FAM20A: variants seen among roughly 807,000 people sequenced by gnomAD.
FAM20A encodes pseudokinase FAM20A.
Under a neutral mutation model 52.0 loss-of-function variants are expected in FAM20A, and 42 were observed. The ratio of observed to expected loss-of-function variants is 0.81; its 90% CI spans 0.63 to 1.04. The LOEUF (loss-of-function observed/expected upper bound fraction) is 1.04, where lower values mean the gene tolerates loss of function less well. FAM20A is among the 50% of genes least tolerant of loss of function. FAM20A has a pLI of 0.00. For missense variants in FAM20A, 742 were observed against 712.7 expected (o/e 1.04, Z -0.47); for synonymous variants, 304 against 298.9 (o/e 1.02, Z -0.18).
At chr17:68,564,345 G>A (rs1173192036) in intron 1 of FAM20A, among the ~76,000 whole-genome samples, 1 of 152,196 alleles carries the variant, frequency 6.6e-6, no homozygotes, top group Non-Finnish European at 1.5e-5. Context: ...TCCAAGAATG[G>A]TGGCTATTTT....
intron 1 of FAM20A, among the ~76,000 whole-genome samples, chr17:68,586,806 A>G (rs2088175121): frequency 6.6e-6 from 1 of 152,206 alleles, no homozygotes; most frequent in Admixed American, 6.5e-5. Flanking sequence ...AGCCCTAGGG[A>G]ACAAATATAG....
At chr17:68,571,987 CATATATATATATATATATATAT>C (rs57442973) in intron 1 of FAM20A, among the ~76,000 whole-genome samples, 2,534 of 43,750 alleles carry the variant, frequency 0.058, 103 homozygotes, top group East Asian at 0.16. Context: ...TATATACATA[CATATATATATATATATATATAT>C]ATATATATAT....
At chr17:68,578,105 C>T (rs528327280) in intron 1 of FAM20A, among the ~76,000 whole-genome samples, 4 of 152,178 alleles carry the variant, frequency 2.6e-5, no homozygotes, top group South Asian at 2.1e-4. Context: ...AAAGAAGAAA[C>T]GTGGTGTAAA....
At chr17:68,555,011 G>A (rs1301143129) in intron 2 of FAM20A, among the ~76,000 whole-genome samples, 184 bp from the exon 3 acceptor site, 1 of 152,152 alleles carries the variant, frequency 6.6e-6, no homozygotes, top group Non-Finnish European at 1.5e-5. Context: ...TCCCTGCTGT[G>A]TCCCAGACCC....
At chr17:68,584,478 A>G (rs2143877261) in intron 1 of FAM20A, among the ~76,000 whole-genome samples, 1 of 152,330 alleles carries the variant, frequency 6.6e-6, no homozygotes, top group East Asian at 1.9e-4. Context: ...TAAGGACAAC[A>G]TCTGGGACCC....
intron 5 of FAM20A, among the ~76,000 whole-genome samples, chr17:68,543,147 G>C (rs1282953079): frequency 1.3e-5 from 2 of 152,130 alleles, no homozygotes; most frequent in African/African-American, 4.8e-5. Context: ...TACAGGGTCT[G>C]ATTGAGTGGT....
At chr17:68,565,270 C>T (rs990943541) in intron 1 of FAM20A, among the ~76,000 whole-genome samples, 1 of 151,470 alleles carries the variant, frequency 6.6e-6, no homozygotes, top group African/African-American at 2.4e-5. Flanking sequence ...CCCTCCAAAA[C>T]TATATAGCTA....
chr17:68,546,490 G>T (rs2086571917), intron 4 of FAM20A, among the ~76,000 whole-genome samples: 1 of 151,980 alleles, frequency 6.6e-6, no homozygotes, highest in African/African-American at 2.4e-5. Context: ...TTCATCAGAG[G>T]AATCACTAAC....
At chr17:68,545,479 T>G (rs556717188) in intron 4 of FAM20A, among the ~76,000 whole-genome samples, 2 of 152,250 alleles carry the variant, frequency 1.3e-5, no homozygotes, top group African/African-American at 2.4e-5. Flanking sequence ...CTGAAAAATG[T>G]ATACATCTTA....
chr17:68,542,093 T>C lies in FAM20A; in HGVS notation c.1001A>G (p.His334Arg). The C allele has an allele frequency of 1.2e-6, 2 of 1,613,940 alleles. No homozygotes were observed. The highest frequency in any genetic ancestry group is 1.7e-6 in the Non-Finnish European group (2 of 1,179,870). Residue 334 changes from histidine to arginine, a missense_variant, in exon 7 of 11, where the codon CAC (histidine) becomes CGC (arginine). By Grantham distance (29) the His-to-Arg change is conservative (BLOSUM62 0). Transcript: ENST00000592554. ...GGCAGAGAGGGAACCCTCCAGCAGG[T>C]GTGGGTTGCCACAGACAGCATACTC... ...KTEYAVCGNP[H>R]LLEGSLSAFL...
intron 1 of FAM20A, among the ~76,000 whole-genome samples, chr17:68,578,964 G>C (rs1196541315): frequency 6.7e-6 from 1 of 149,466 alleles, no homozygotes; most frequent in African/African-American, 2.5e-5. Flanking sequence ...GCAATGAGCA[G>C]AGATCGCGCC....
chr17:68,597,221 C>CA (rs542367925), intron 1 of FAM20A, among the ~76,000 whole-genome samples: 42,099 of 132,222 alleles, frequency 0.32, 6,280 homozygotes, highest in South Asian at 0.43. Flanking sequence ...GTCAAAATTA[C>CA]AAAAAAAAAA....
Position 68,535,279 on chromosome 17 carries a change from A to C in FAM20A, c.*2198T>G. On this transcript the variant is annotated 3_prime_UTR_variant, in exon 11 of 11. Coordinates refer to ENST00000592554, the MANE Select transcript of FAM20A (RefSeq NM_017565.4). ...GTAATGGAAGGTTGAAAGATAAGTG[A>C]ATAATAAGGTAGGTGTACCACATAT... is the stretch of plus-strand genomic sequence containing the variant. 1 of 454,098 alleles carries C rather than the reference A, an allele frequency of 2.2e-6. No individual in the cohort carries two copies. Among genetic ancestry groups the C allele is most frequent in the South Asian group, 1.6e-5 (1 of 64,470 alleles). The allele number at this position is 454,098 out of a possible 1,614,324, so 28.1% of individuals were successfully genotyped here. A position where few individuals can be genotyped will look rare whatever the true frequency, so the allele number is the denominator to read the frequency against.
At position 68,555,694 on chromosome 17, in the gene FAM20A, G is replaced by A; in HGVS notation, c.454C>T (p.Pro152Ser). The change falls in exon 2 of 11, where the codon CCA becomes TCA. Residue 152 changes from proline (P) to serine (S), a missense_variant. Coordinates refer to ENST00000592554, the MANE Select transcript of FAM20A (RefSeq NM_017565.4). ...CTGGCCTCGAGTCGGAGCTGCAGTG[G>A]GGGGTCCAGGGAGGTAAGGTTCATC... ...EQMNLTSLDP[P>S]LQLRLEASWV... 6.2e-7 allele frequency: 1 copy of A among 1,613,946 alleles called. No individual in the cohort carries two copies. The highest frequency in any genetic ancestry group is 1.7e-5 in the Admixed American group (1 of 60,026).
intron 1 of FAM20A, among the ~76,000 whole-genome samples, chr17:68,586,390 T>A (rs183873728): frequency 6.6e-6 from 1 of 152,186 alleles, no homozygotes; most frequent in Non-Finnish European, 1.5e-5. Context: ...CAAAAGATAA[T>A]CCCTGGAACC....
intron 3 of FAM20A, among the ~76,000 whole-genome samples, chr17:68,553,899 TGCATATATACATATATAC>T (rs2086955254): frequency 7.3e-6 from 1 of 136,094 alleles, no homozygotes; most frequent in African/African-American, 2.7e-5. Context: ...TACACATATA[TGCATATATACATATATAC>T]ACACATATAT....
chr17:68,575,631 T>TATATATATTTATATATTCTATATAA (rs2087730665), intron 1 of FAM20A, among the ~76,000 whole-genome samples: 1 of 111,182 alleles, frequency 9.0e-6, no homozygotes, highest in Non-Finnish European at 1.7e-5. Context: ...ATATAAAATA[T>TATATATATTTATATATTCTATATAA]AATATAGAAT....
At chr17:68,548,834 G>C (rs879915247) in intron 4 of FAM20A, among the ~76,000 whole-genome samples, 1 of 140,724 alleles carries the variant, frequency 7.1e-6, no homozygotes, top group African/African-American at 2.7e-5. Context: ...CCGGGTTCAC[G>C]CCATTCTCCT....
At position 68,600,429 on chromosome 17, in the gene FAM20A, G is replaced by T. The variant is rs766919608; in HGVS notation, c.238C>A (p.Pro80Thr). The change falls in exon 1 of 11, where the codon CCG becomes ACG. Residue 80 changes from proline (P) to threonine (T), a missense_variant. Coordinates refer to ENST00000592554, the MANE Select transcript of FAM20A (RefSeq NM_017565.4). This position sits in a 1 kb window ranked among gnomAD's most constrained non-coding sequence, Gnocchi z 6.2. ...NFSRTEPRTE[P>T]AGGSHSGSSS... is the part of the protein sequence containing the mutation. ...GACCCGCTGTGGCTGCCGCCAGCCG[G>T]TTCAGTCCGGGGCTCGGTTCGGGAA... is the stretch of plus-strand genomic sequence containing the variant. 3.1e-6 allele frequency: 5 copies of T among 1,611,422 alleles called. No homozygotes were observed. Among genetic ancestry groups the T allele is most frequent in the East Asian group, 4.5e-5 (2 of 44,774 alleles).
Sources: gnomAD v4.1 joint callset for allele counts (sites outside exome capture counted in the v4.1 genomes callset) on GRCh38, gnomAD v4.1.1 for gene constraint, Gnocchi (gnomAD v3.1) non-coding constraint, MANE v1.5 for transcripts, NCBI Gene and HGNC (gene_info 2026-07-23, HGNC 2026-07-21) for gene names.